MTHFD1: variants seen among roughly 807,000 people sequenced by gnomAD.
MTHFD1 encodes the protein C-1-tetrahydrofolate synthase, cytoplasmic.
In MTHFD1, 44 loss-of-function variants were observed where a neutral mutation model predicts 110.3. That is an observed-to-expected ratio of 0.40 (90% confidence interval 0.31 to 0.51). MTHFD1 has a LOEUF of 0.51. Among genes scored for constraint, MTHFD1 ranks in the 20% least tolerant of loss-of-function variants. The pLI, the probability that MTHFD1 is intolerant of heterozygous loss-of-function variation, is 0.60. For synonymous variants in MTHFD1, 402 were observed against 428.8 expected (o/e 0.94, Z 0.77); for missense variants, 909 against 1,173.1 (o/e 0.77, Z 3.29).
chr14:64,419,622 A>G (rs1438170691), intron 7 of MTHFD1, among the ~76,000 whole-genome samples, 192 bp from the exon 8 acceptor site: 1 of 152,216 alleles, frequency 6.6e-6, no homozygotes, highest in East Asian at 1.9e-4. Flanking sequence ...TGTAGAAATG[A>G]GCACGGCATG....
At chr14:64,424,726 C>G in intron 8 of MTHFD1, 78 bp from the exon 9 acceptor site, 2 of 1,537,208 alleles carry the variant, frequency 1.3e-6, no homozygotes, top group Non-Finnish European at 1.8e-6. Context: ...CCCTACAATT[C>G]TGCTGAGTTT....
At chr14:64,402,399 A>T (rs912183686) in intron 2 of MTHFD1, among the ~76,000 whole-genome samples, 2 of 152,230 alleles carry the variant, frequency 1.3e-5, no homozygotes, top group African/African-American at 2.4e-5. Flanking sequence ...TGGATAAAAA[A>T]TTTTAATTTT....
intron 12 of MTHFD1, among the ~76,000 whole-genome samples, chr14:64,428,846 C>T (rs2078137928): frequency 6.6e-6 from 1 of 152,012 alleles, no homozygotes; most frequent in South Asian, 2.1e-4. Flanking sequence ...GCCACCGTGC[C>T]CAGCCCACCC....
intron 1 of MTHFD1, among the ~76,000 whole-genome samples, chr14:64,391,024 T>C (rs2077799955): frequency 6.6e-6 from 1 of 152,150 alleles, no homozygotes; most frequent in South Asian, 2.1e-4. Context: ...GCCAGAAAAG[T>C]GATGTGATTT....
rs754837331 is a variant in MTHFD1, at chr14:64,431,574, G to A, written c.1354G>A (p.Ala452Thr). The A allele has an allele frequency of 6.2e-7, 1 of 1,614,186 alleles. No individual in the cohort carries two copies. Among genetic ancestry groups the A allele is most frequent in the Admixed American group, 1.7e-5 (1 of 60,028 alleles). The change falls in exon 14 of 28, where the codon GCT becomes ACT. Residue 452 changes from alanine (A) to threonine (T), a missense_variant. Physicochemically the swap from Ala to Thr is moderately conservative, Grantham distance 58. Around this residue, in one of 3 missense-constraint regions of MTHFD1, gnomAD observed 482 missense variants for 646.0 expected, o/e 0.75. Transcript: ENST00000652337. The part of the protein sequence containing the change: ...LTGDIHAITA[A>T]NNLVAAAIDA... ...AGGTGACATCCATGCCATCACTGCA[G>A]CTAATAACCTCGTTGCTGCGGCCAT...
chr14:64,391,729 T>G (rs2077807163), intron 1 of MTHFD1, among the ~76,000 whole-genome samples: 1 of 152,224 alleles, frequency 6.6e-6, no homozygotes, highest in Non-Finnish European at 1.5e-5. Context: ...CGGGGAATTC[T>G]AAGTTTGCAG....
chr14:64,400,829 G>A lies in MTHFD1; in HGVS notation c.78G>A (p.Gln26=), dbSNP rs762698829. 4.3e-6 allele frequency: 7 copies of A among 1,613,986 alleles called. No homozygotes were observed. Among genetic ancestry groups the A allele is most frequent in the South Asian group, 3.3e-5 (3 of 91,010 alleles). The change falls in exon 2 of 28, where the codon CAG becomes CAA. Residue 26 remains glutamine, a synonymous_variant. Transcript: ENST00000652337. ...IRARLKNQVT[Q]LKEQVPGFTP... ...CGAGACTGAAAAATCAAGTCACTCA[G>A]TTGAAGGAGCAAGTACCTGGTTTCA...
At chr14:64,410,417 G>T (rs79196770) in intron 2 of MTHFD1, among the ~76,000 whole-genome samples, 50,543 of 150,388 alleles carry the variant, frequency 0.34, 9,759 homozygotes, top group South Asian at 0.52. Flanking sequence ...TGGGGGGGGG[G>T]GTCTCACTAT....
chr14:64,425,608 G>T (rs1304553052), intron 9 of MTHFD1, 122 bp from the exon 10 acceptor site: 1 of 833,104 alleles, frequency 1.2e-6, no homozygotes, highest in African/African-American at 1.7e-5. Context: ...ATTGAAGCAT[G>T]GTAATAAGTG....
intron 2 of MTHFD1, among the ~76,000 whole-genome samples, chr14:64,408,619 C>T (rs1056478645): frequency 2.6e-5 from 4 of 152,142 alleles, no homozygotes; most frequent in African/African-American, 9.6e-5. Flanking sequence ...ATTCTTTTTG[C>T]ATCTAGTCTA....
chr14:64,415,908 A>G (rs376359158), intron 6 of MTHFD1, among the ~76,000 whole-genome samples, 169 bp downstream of exon 6: 25 of 152,092 alleles, frequency 1.6e-4, no homozygotes, highest in Middle Eastern at 3.2e-3. Context: ...TTTCTCAGCA[A>G]CTCTGTGAAG....
At position 64,439,078 on chromosome 14, in the gene MTHFD1, C is replaced by A. The variant is rs550975510; in HGVS notation, c.1598-18C>A. 193 of 1,602,484 alleles carry A rather than the reference C, an allele frequency of 1.2e-4. 2 individuals carry two copies. The South Asian group carries it at 2.0e-3, about 17-fold the overall frequency. On this transcript the variant is annotated intron_variant, in intron 16 of 27. Transcript: ENST00000652337. ...CCTTTTACTCAAAATCGTTCTATATCTTGCCTGTCTGCTGTAGTGTTGGAT... is the reference window on the plus strand; with the variant it reads ...CCTTTTACTCAAAATCGTTCTATATATTGCCTGTCTGCTGTAGTGTTGGAT...
At chr14:64,446,003 T>G (rs1307281718) in intron 22 of MTHFD1, among the ~76,000 whole-genome samples, 2 of 152,214 alleles carry the variant, frequency 1.3e-5, no homozygotes, top group Non-Finnish European at 2.9e-5. Context: ...TCCTACCTAT[T>G]TCTGCTTTTT....
intron 8 of MTHFD1, among the ~76,000 whole-genome samples, chr14:64,423,327 C>T (rs2078089947): frequency 6.6e-6 from 1 of 152,106 alleles, no homozygotes; most frequent in African/African-American, 2.4e-5. Flanking sequence ...ATTTTGCCCT[C>T]AGCAAATTTG....
chr14:64,454,098 A>G (rs2078423818), intron 25 of MTHFD1, among the ~76,000 whole-genome samples: 1 of 152,184 alleles, frequency 6.6e-6, no homozygotes, highest in Admixed American at 6.5e-5. Flanking sequence ...GTCTTACCAA[A>G]ATATTGAGAA....
At chr14:64,425,036 T>C in intron 9 of MTHFD1, 105 bp downstream of exon 9, 2 of 1,392,258 alleles carry the variant, frequency 1.4e-6, no homozygotes, top group South Asian at 1.2e-5. Flanking sequence ...GAAGTAAAGA[T>C]GTGAATTTAT....
In MTHFD1 at chr14:64,403,581, T is replaced by C. The variant is rs958887992; in HGVS notation, c.126+2704T>C. ...CTGCGCCCAGCCTTAATTTTTTGTA[T>C]TTTTTTGTAGAGTTTTTTTTTGCCT... is the stretch of plus-strand genomic sequence containing the variant. On this transcript the variant is annotated intron_variant, in intron 2 of 27. Coordinates refer to ENST00000652337, the MANE Select transcript of MTHFD1 (RefSeq NM_005956.4). Among the ~76,000 whole-genome samples the C allele has an allele frequency of 5.3e-5, 6 of 113,720 alleles. No homozygotes were observed. The Admixed American group carries it at 6.1e-4, about 12-fold the overall frequency. 74.6% of individuals were successfully genotyped at this position (113,720 alleles called of 152,430 possible).
chr14:64,390,312 A>T (rs2077794056), intron 1 of MTHFD1: 1 of 132,786 alleles, frequency 7.5e-6, no homozygotes, highest in African/African-American at 2.5e-5. Flanking sequence ...ATGATTCATT[A>T]TCTTTTTTTT....
At chr14:64,391,617 C>A (rs991243412) in intron 1 of MTHFD1, among the ~76,000 whole-genome samples, 12 of 152,164 alleles carry the variant, frequency 7.9e-5, no homozygotes, top group Non-Finnish European at 1.8e-4. Flanking sequence ...ATTCCAGATT[C>A]CTTCTCTACC....
Sources: gnomAD v4.1 joint callset for allele counts (sites outside exome capture counted in the v4.1 genomes callset) on GRCh38, gnomAD v4.1.1 for gene constraint, gnomAD v4.1.1 regional missense constraint, MANE v1.5 for transcripts, NCBI Gene and HGNC (gene_info 2026-07-23, HGNC 2026-07-21) for gene names.